Variants in CNTNAP5 observed in about 807,000 individuals in gnomAD.
CNTNAP5 encodes contactin associated protein family member 5.
A neutral mutation model predicts 150.2 loss-of-function variants in CNTNAP5; 72 were observed. The ratio of observed to expected loss-of-function variants is 0.48; its 90% confidence interval spans 0.40 to 0.58. The LOEUF is 0.58. CNTNAP5 is among the 20% of genes least tolerant of loss of function. The pLI is 0.00. For missense variants in CNTNAP5, 1,636 were observed against 1,626.2 expected (o/e 1.01, Z -0.10); for synonymous variants, 672 against 619.8 (o/e 1.08, Z -1.25).
intron 13 of CNTNAP5, among the ~76,000 whole-genome samples, chr2:124,660,035 G>GAAGA (rs1301473470): frequency 2.2e-5 from 2 of 91,630 alleles, no homozygotes; most frequent in African/African-American, 8.6e-5. Context: ...AGGAAGGAAG[G>GAAGA]AAGGAAGAAA....
intron 10 of CNTNAP5, among the ~76,000 whole-genome samples, chr2:124,535,062 C>T (rs1695198509): frequency 6.6e-6 from 1 of 152,144 alleles, no homozygotes. Flanking sequence ...ATGCATATAG[C>T]AAAATTACAA....
intron 11 of CNTNAP5, among the ~76,000 whole-genome samples, chr2:124,582,386 T>C (rs1696434463): frequency 6.6e-6 from 1 of 152,120 alleles, no homozygotes; most frequent in African/African-American, 2.4e-5. Context: ...TTATAATAGT[T>C]TCTCAAAAGA....
At chr2:124,149,632 T>C (rs1211724828) in intron 1 of CNTNAP5, among the ~76,000 whole-genome samples, 1 of 152,180 alleles carries the variant, frequency 6.6e-6, no homozygotes, top group Non-Finnish European at 1.5e-5. Flanking sequence ...CTAAACTCTT[T>C]TGTAAAGGCT....
chr2:124,193,828 A>G (rs747913775), intron 1 of CNTNAP5, among the ~76,000 whole-genome samples: 6 of 152,102 alleles, frequency 3.9e-5, no homozygotes, highest in Admixed American at 6.5e-5. Flanking sequence ...GTAGATATGT[A>G]CCTTGGAGAG....
intron 12 of CNTNAP5, among the ~76,000 whole-genome samples, chr2:124,626,059 A>G (rs1461265493): frequency 6.6e-6 from 1 of 152,196 alleles, no homozygotes; most frequent in Non-Finnish European, 1.5e-5. Context: ...ACCCAGTACA[A>G]TATCTGACAT....
intron 3 of CNTNAP5, among the ~76,000 whole-genome samples, chr2:124,312,941 G>A (rs982212329): frequency 6.6e-6 from 1 of 152,214 alleles, no homozygotes; most frequent in Non-Finnish European, 1.5e-5. Context: ...CTGACCTCAG[G>A]TAATCTGCCC....
At chr2:124,707,020 GAA>G in intron 13 of CNTNAP5, among the ~76,000 whole-genome samples, 2 of 60,726 alleles carry the variant, frequency 3.3e-5, no homozygotes, top group East Asian at 6.3e-3. Context: ...AGGAGGAGGA[GAA>G]GAAGAAGAAG....
At chr2:124,578,273 T>G (rs1005149378) in intron 11 of CNTNAP5, among the ~76,000 whole-genome samples, 4 of 143,724 alleles carry the variant, frequency 2.8e-5, no homozygotes, top group African/African-American at 1.0e-4. Flanking sequence ...TAGGCTGCAG[T>G]GAGCTGAGAT....
At chr2:124,273,404 A>T (rs146664574) in intron 3 of CNTNAP5, among the ~76,000 whole-genome samples, 335 of 152,294 alleles carry the variant, frequency 2.2e-3, no homozygotes, top group African/African-American at 7.6e-3. Context: ...GGTTCCCCTT[A>T]TTGAGTATCT....
At chr2:124,194,108 T>A (rs1470811446) in intron 1 of CNTNAP5, among the ~76,000 whole-genome samples, 1 of 151,988 alleles carries the variant, frequency 6.6e-6, no homozygotes, top group Non-Finnish European at 1.5e-5. Flanking sequence ...CCAGAGCCCT[T>A]TATGGGATCC....
At chr2:124,620,528 C>T (rs531596296) in intron 12 of CNTNAP5, among the ~76,000 whole-genome samples, 7 of 152,158 alleles carry the variant, frequency 4.6e-5, no homozygotes, top group African/African-American at 1.7e-4. Context: ...TGGAGTCACA[C>T]TGGAGTTTAA....
At chr2:124,199,466 A>C (rs1355941573) in intron 1 of CNTNAP5, among the ~76,000 whole-genome samples, 2 of 116,752 alleles carry the variant, frequency 1.7e-5, no homozygotes, top group Non-Finnish European at 3.2e-5. Flanking sequence ...CCCAGGCTGG[A>C]GTGCAATAAC....
chr2:124,569,034 C>T (rs1480952324), intron 11 of CNTNAP5, among the ~76,000 whole-genome samples: 9 of 151,988 alleles, frequency 5.9e-5, no homozygotes, highest in South Asian at 4.1e-4. Flanking sequence ...GGCGACAGAG[C>T]GAGACTCTGT....
intron 18 of CNTNAP5, among the ~76,000 whole-genome samples, chr2:124,791,456 G>C (rs1026215530): frequency 6.6e-6 from 1 of 152,122 alleles, no homozygotes; most frequent in African/African-American, 2.4e-5. Flanking sequence ...GGAGGTCTCT[G>C]AACAACTTCC....
rs556296549 is a variant in CNTNAP5 at position 124,419,050 on chromosome 2, C to T, written c.529+1460C>T. ...TCGGGAGGCTGAGGCAGGAGAATGG[C>T]GTGAACCCGGGAAGCGGAGCTTGCA... On this transcript the variant is annotated intron_variant, in intron 4 of 23. Coordinates refer to ENST00000682447, the MANE Select transcript of CNTNAP5 (RefSeq NM_001367498.1). Among the ~76,000 whole-genome samples the T allele has an allele frequency of 4.5e-3, 636 of 140,912 alleles. 3 individuals carry two copies. The highest frequency in any genetic ancestry group is 7.8e-3 in the Admixed American group (103 of 13,136). The allele number at this position is 140,912 out of a possible 152,430, so 92.4% of individuals were successfully genotyped here.
At position 124,242,360 on chromosome 2, in the gene CNTNAP5, C is replaced by A. The variant is rs1224004925; in HGVS notation, c.348C>A (p.Asn116Lys). 6.2e-7 allele frequency: 1 copy of A among 1,613,260 alleles called. No homozygotes were observed. Among genetic ancestry groups the A allele is most frequent in the East Asian group, 2.2e-5 (1 of 44,692 alleles). The change falls in exon 3 of 24, where the codon AAC becomes AAA. Residue 116 changes from asparagine (N) to lysine (K), a missense_variant. Asn to Lys is a moderately conservative substitution (Grantham distance 94, BLOSUM62 0). Transcript: ENST00000682447. ...TGATGTTCAGTGACACAGGACGCAA[C>A]TGGAAACAGTACAAACAAGAAGACA... is the stretch of plus-strand genomic sequence containing the variant. ...YSLMFSDTGRNWKQYKQEDSI... is the reference protein window; with the variant it reads ...YSLMFSDTGRKWKQYKQEDSI...
At chr2:124,342,078 G>A (rs560294576) in intron 3 of CNTNAP5, among the ~76,000 whole-genome samples, 175 of 152,112 alleles carry the variant, frequency 1.2e-3, no homozygotes, top group African/African-American at 3.8e-3. Context: ...GGTTAGAACC[G>A]AAAAATGGGT....
intron 6 of CNTNAP5, among the ~76,000 whole-genome samples, chr2:124,471,268 G>A (rs1693508180): frequency 6.6e-6 from 1 of 152,100 alleles, no homozygotes; most frequent in Non-Finnish European, 1.5e-5. Context: ...AGTTCTCCTT[G>A]AAGAGGTCCT....
At chr2:124,475,951 A>C (rs143465020) in intron 7 of CNTNAP5, among the ~76,000 whole-genome samples, 1 of 149,984 alleles carries the variant, frequency 6.7e-6, no homozygotes, top group Non-Finnish European at 1.5e-5. Context: ...AAAATTCTCT[A>C]TTTTCTCTAA....
Sources: allele counts gnomAD v4.1 joint callset (sites outside exome capture counted in the v4.1 genomes callset), GRCh38; gene constraint gnomAD v4.1.1; transcripts MANE v1.5; gene names NCBI Gene and HGNC (gene_info 2026-07-23, HGNC 2026-07-21).